Variants in NCOA2 observed in about 807,000 individuals in gnomAD.
NCOA2 encodes class E basic helix-loop-helix protein 75.
In NCOA2, 21 loss-of-function variants were observed where a neutral mutation model predicts 145.1. The observed-to-expected ratio is 0.14, with a 90% CI of 0.10 to 0.21. NCOA2 has a LOEUF of 0.21. Among genes scored for constraint, NCOA2 ranks in the 10% least tolerant of loss-of-function variants. NCOA2 has a pLI of 1.00. For missense variants in NCOA2, 1,472 were observed against 1,837.6 expected (o/e 0.80, Z 3.64); for synonymous variants, 619 against 637.5 (o/e 0.97, Z 0.44).
At chr8:70,151,749 C>A (rs1811777507) in intron 11 of NCOA2, among the ~76,000 whole-genome samples, 1 of 152,130 alleles carries the variant, frequency 6.6e-6, no homozygotes, top group South Asian at 2.1e-4. Flanking sequence ...TATTGCTTTG[C>A]CTGTGTTTAT....
chr8:70,393,031 G>T (rs907037825), intron 1 of NCOA2, among the ~76,000 whole-genome samples: 1 of 152,120 alleles, frequency 6.6e-6, no homozygotes, highest in Non-Finnish European at 1.5e-5. Context: ...TTTACCCCTC[G>T]GTGGGAAGAC....
chr8:70,318,406 T>G (rs932411355), intron 1 of NCOA2, among the ~76,000 whole-genome samples: 1 of 152,246 alleles, frequency 6.6e-6, no homozygotes, highest in African/African-American at 2.4e-5. Flanking sequence ...GCATATCTTT[T>G]GAATCCTCCT....
At chr8:70,161,651 G>A (rs1348562682) in intron 9 of NCOA2, among the ~76,000 whole-genome samples, 3 of 152,182 alleles carry the variant, frequency 2.0e-5, no homozygotes, top group Non-Finnish European at 2.9e-5. Flanking sequence ...TGCACATTAG[G>A]TGGATGATGA....
At chr8:70,364,741 T>TAACAAAAAAAAAAAAAAA (rs1810522986) in intron 1 of NCOA2, among the ~76,000 whole-genome samples, 1 of 123,654 alleles carries the variant, frequency 8.1e-6, no homozygotes. Flanking sequence ...TCCCAATACT[T>TAACAAAAAAAAAAAAAAA]AAAAAAAAAA....
intron 9 of NCOA2, 68 bp from the exon 10 acceptor site, chr8:70,159,720 C>T: frequency 7.1e-7 from 1 of 1,413,240 alleles, no homozygotes; most frequent in African/African-American, 1.4e-5. Flanking sequence ...GAGGACAAGA[C>T]ATAATAAGAG....
chr8:70,448,979 A>C, the NCOA2 span, among the ~76,000 whole-genome samples: 1 of 151,982 alleles, frequency 6.6e-6, no homozygotes, highest in African/African-American at 2.4e-5. Flanking sequence ...TGATTAAAAA[A>C]AATTTTTTTA....
chr8:70,396,705 T>C (rs952644206), intron 1 of NCOA2, among the ~76,000 whole-genome samples: 8 of 144,478 alleles, frequency 5.5e-5, no homozygotes, highest in African/African-American at 2.3e-4. Context: ...ATAACCTCTG[T>C]GCAGGTATAA....
chr8:70,134,952 C>T (rs745313166), intron 15 of NCOA2, among the ~76,000 whole-genome samples: 2 of 152,040 alleles, frequency 1.3e-5, no homozygotes, highest in Non-Finnish European at 2.9e-5. Context: ...GGTTCCCATT[C>T]CCAAAGCACA....
At chr8:70,219,912 A>T (rs1297586397) in intron 2 of NCOA2, among the ~76,000 whole-genome samples, 1 of 152,064 alleles carries the variant, frequency 6.6e-6, no homozygotes, top group East Asian at 1.9e-4. Context: ...TTTTCCCCCA[A>T]CTCAAAATAC....
intron 4 of NCOA2, among the ~76,000 whole-genome samples, chr8:70,204,758 A>G (rs1206739306): frequency 6.6e-6 from 1 of 152,140 alleles, no homozygotes; most frequent in African/African-American, 2.4e-5. Context: ...TAGGGAGGAC[A>G]AGGAGGGCAG....
intron 9 of NCOA2, among the ~76,000 whole-genome samples, chr8:70,162,300 C>T (rs1382704373): frequency 1.3e-5 from 2 of 152,174 alleles, no homozygotes; most frequent in Non-Finnish European, 2.9e-5. Context: ...TGTTGGTTAC[C>T]ACCTTGAAGA....
chr8:70,321,792 C>CTTTTTTTTTTT (rs1563762022), intron 1 of NCOA2, among the ~76,000 whole-genome samples: 1 of 97,526 alleles, frequency 1.0e-5, no homozygotes, highest in Admixed American at 1.0e-4. Flanking sequence ...TCAGAATATA[C>CTTTTTTTTTTT]CTTTTTTTTT....
At chr8:70,147,294 G>A (rs1214195143) in intron 12 of NCOA2, among the ~76,000 whole-genome samples, 2 of 151,982 alleles carry the variant, frequency 1.3e-5, no homozygotes, top group East Asian at 1.9e-4. Flanking sequence ...CACCACGCCC[G>A]GCCCAAACTC....
chr8:70,448,722 C>T, the NCOA2 span, among the ~76,000 whole-genome samples: 2 of 151,802 alleles, frequency 1.3e-5, no homozygotes, highest in East Asian at 3.9e-4. Context: ...CATGTTTTTG[C>T]TTAGTGCACA....
At chr8:70,441,078 A>C in the NCOA2 span, among the ~76,000 whole-genome samples, 24 of 116,738 alleles carry the variant, frequency 2.1e-4, no homozygotes, top group Admixed American at 1.6e-3. Flanking sequence ...AGAAGAAAGG[A>C]AAGAGAGAGG....
rs1157221195 is a variant in NCOA2 at position 70,329,953 on chromosome 8, G to C, written c.-76-33153C>G. On this transcript the variant is annotated intron_variant, in intron 1 of 22. Transcript: ENST00000452400. ...TCTGGGGAAATACTAATGGAAAAGA[G>C]CACAGGAGAGGGAACCTTCTGGAGT... Among the ~76,000 whole-genome samples the C allele has an allele frequency of 2.6e-5, 4 of 152,276 alleles. No homozygotes were observed. In the East Asian group the frequency reaches 7.7e-4, roughly 29 times the overall value.
chr8:70,231,606 T>C (rs1563656164), intron 2 of NCOA2, among the ~76,000 whole-genome samples: 1 of 152,150 alleles, frequency 6.6e-6, no homozygotes, highest in Non-Finnish European at 1.5e-5. Context: ...GAAAACTGAG[T>C]TAAGGCTGGT....
At chr8:70,131,790 CGCCCATGAG>C in intron 16 of NCOA2, 38 bp downstream of exon 16, 1 of 1,547,914 alleles carries the variant, frequency 6.5e-7, no homozygotes, top group Non-Finnish European at 8.7e-7. Context: ...GACACCTCTG[CGCCCATGAG>C]AGCGCTTGGC....
intron 1 of NCOA2, among the ~76,000 whole-genome samples, chr8:70,315,044 G>T (rs1805482230): frequency 6.6e-6 from 1 of 152,134 alleles, no homozygotes; most frequent in African/African-American, 2.4e-5. Context: ...ACGAGCTAAG[G>T]AAGGCAATGC....
Sources: gnomAD v4.1 joint callset for allele counts (sites outside exome capture counted in the v4.1 genomes callset) on GRCh38, gnomAD v4.1.1 for gene constraint, MANE v1.5 for transcripts, NCBI Gene and HGNC (gene_info 2026-07-23, HGNC 2026-07-21) for gene names.